TUT7: variants seen among roughly 807,000 people sequenced by gnomAD.
TUT7 encodes terminal uridylyltransferase 7.
Under a neutral mutation model 165.9 loss-of-function variants are expected in TUT7, and 33 were observed. The ratio of observed to expected loss-of-function variants is 0.20; its 90% CI spans 0.15 to 0.27. The LOEUF (loss-of-function observed/expected upper bound fraction) is 0.27, where lower values mean the gene tolerates loss of function less well. TUT7 is among the 10% of genes least tolerant of loss of function. TUT7 has a pLI of 1.00. For missense variants in TUT7, 1,338 were observed against 1,762.3 expected (o/e 0.76, Z 4.31); for synonymous variants, 552 against 608.1 (o/e 0.91, Z 1.36).
intron 14 of TUT7, among the ~76,000 whole-genome samples, chr9:86,321,937 A>C (rs1334800257): frequency 6.6e-6 from 1 of 152,126 alleles, no homozygotes; most frequent in African/African-American, 2.4e-5. Context: ...TTAGTCAGGC[A>C]TAGTGGCATG....
At chr9:86,293,533 C>A (rs2131261252) in intron 26 of TUT7, among the ~76,000 whole-genome samples, 1 of 152,172 alleles carries the variant, frequency 6.6e-6, no homozygotes, top group African/African-American at 2.4e-5. Context: ...GGAATTCAAG[C>A]AGGTGTAAAA....
intron 22 of TUT7, among the ~76,000 whole-genome samples, chr9:86,305,621 C>T (rs1050164818): frequency 4.6e-5 from 7 of 152,140 alleles, no homozygotes; most frequent in African/African-American, 1.4e-4. Flanking sequence ...CTTAATGACA[C>T]TAGTTTTGGA....
rs1827958975 is a variant in TUT7, at chr9:86,310,590, C to T, written c.3378+116G>A. On this transcript the variant is annotated intron_variant, in intron 18 of 26. Coordinates refer to ENST00000375963, the MANE Select transcript of TUT7 (RefSeq NM_024617.4). ...GGTTCACAGCAAGTAAGCATAATAA[C>T]TCTTGAAAGATTCACTAAGATGAAA... 5 of 626,416 alleles carry T rather than the reference C, an allele frequency of 8.0e-6. No homozygotes were observed. The South Asian group carries it at 9.7e-5, about 12-fold the overall frequency. The allele number at this position is 626,416 out of a possible 1,614,324, so 38.8% of individuals were successfully genotyped here.
intron 12 of TUT7, chr9:86,324,513 G>A (rs1829613677): frequency 6.6e-6 from 1 of 152,496 alleles, no homozygotes; most frequent in South Asian, 2.1e-4. Context: ...CAGAAGAGCT[G>A]AGCCACAGAA....
At chr9:86,309,063 CAAAG>C in intron 21 of TUT7, 145 bp downstream of exon 21, 2 of 545,482 alleles carry the variant, frequency 3.7e-6, no homozygotes, top group Non-Finnish European at 6.4e-6. Flanking sequence ...ATTTTCACAT[CAAAG>C]AAAGCATCTG....
intron 12 of TUT7, 145 bp from the exon 13 acceptor site, chr9:86,324,105 C>G (rs527470743): frequency 2.6e-6 from 2 of 757,588 alleles, no homozygotes; most frequent in Non-Finnish European, 3.9e-6. Context: ...TAAAAAAAAA[C>G]TGGGGGTGGG....
Position 86,312,910 on chromosome 9 carries a change from C to T in TUT7, c.3275-2101G>A, listed in dbSNP as rs556759426. Reference sequence around the variant, plus strand: ...GCTTTGTTAAACAGATGCTTGAAGGCAGCATGCTCGTTAAGAGTCATCACC... The same window carrying T: ...GCTTTGTTAAACAGATGCTTGAAGGTAGCATGCTCGTTAAGAGTCATCACC... On this transcript the variant is annotated intron_variant, in intron 17 of 26. Coordinates refer to ENST00000375963, the MANE Select transcript of TUT7 (RefSeq NM_024617.4). Among the ~76,000 whole-genome samples the T allele has an allele frequency of 4.3e-3, 651 of 152,044 alleles. 7 individuals carry two copies. The highest frequency in any genetic ancestry group is 0.015 in the African/African-American group (628 of 41,472).
chr9:86,293,787 A>C (rs1364843530), intron 26 of TUT7, among the ~76,000 whole-genome samples: 3 of 152,168 alleles, frequency 2.0e-5, no homozygotes, highest in Admixed American at 2.0e-4. Context: ...TCCTGAGCCT[A>C]CCTGACAGGG....
intron 26 of TUT7, among the ~76,000 whole-genome samples, chr9:86,291,569 T>C (rs1364060556): frequency 8.4e-6 from 1 of 118,842 alleles, no homozygotes; most frequent in Non-Finnish European, 1.7e-5. Flanking sequence ...CGAAACTCCA[T>C]CTCAAAAAAA....
intron 25 of TUT7, chr9:86,301,926 T>G: frequency 1.1e-6 from 1 of 899,298 alleles, no homozygotes; most frequent in Non-Finnish European, 1.3e-6. Context: ...AGTGATTTCT[T>G]GAACGGCCTT....
intron 17 of TUT7, 60 bp downstream of exon 17, chr9:86,317,159 A>G: frequency 1.4e-6 from 2 of 1,447,412 alleles, no homozygotes; most frequent in Middle Eastern, 1.7e-4. Flanking sequence ...CCAAGGGAAG[A>G]CTATAGAAAA....
intron 25 of TUT7, among the ~76,000 whole-genome samples, chr9:86,302,386 T>C (rs1355635938): frequency 2.0e-5 from 3 of 152,216 alleles, no homozygotes; most frequent in Non-Finnish European, 2.9e-5. Context: ...TATCCCAACG[T>C]GCTGAACAGT....
At chr9:86,312,388 C>T (rs1226161384) in intron 17 of TUT7, among the ~76,000 whole-genome samples, 19 of 151,776 alleles carry the variant, frequency 1.3e-4, no homozygotes, top group Admixed American at 2.0e-4. Flanking sequence ...GCCCAGCAGC[C>T]GCCCCGTCTG....
rs909596276 is a variant in TUT7 at position 86,310,027 on chromosome 9, G to C, written c.3379-10C>G. The stretch of plus-strand genomic sequence containing the variant: ...TTGTGTTATGAAGGGCCTGTTAAAA[G>C]GAAAATAACACTATAAGACTAACAA... On this transcript the variant is annotated splice_polypyrimidine_tract_variant and intron_variant, in intron 18 of 26. Transcript: ENST00000375963. 68 of 1,606,802 alleles carry C rather than the reference G, an allele frequency of 4.2e-5. No individual in the cohort carries two copies. Among genetic ancestry groups the C allele is most frequent in the Non-Finnish European group, 5.6e-5 (66 of 1,174,676 alleles).
chr9:86,323,783 T>G lies in TUT7; in HGVS notation c.1967A>C (p.Glu656Ala), dbSNP rs376742250. Residue 656 changes from glutamate to alanine, a missense_variant, in exon 13 of 27, where the codon GAA (glutamate) becomes GCA (alanine). By Grantham distance (107) the Glu-to-Ala change is moderately radical. Around this residue, in one of 7 missense-constraint regions of TUT7, gnomAD observed 425 missense variants for 474.9 expected, o/e 0.89. Transcript: ENST00000375963. ...TACATCTGGATGATGATTTATTACT[T>G]CTTTAGAATGTTCTGAAATACATGT... ...AITCISEHSK[E>A]VINHHPDVQT... The G allele has an allele frequency of 1.9e-6, 3 of 1,613,808 alleles. No homozygotes were observed. The African/African-American group carries it at 4.0e-5, about 22-fold the overall frequency.
intron 25 of TUT7, among the ~76,000 whole-genome samples, chr9:86,302,551 C>T (rs547430934): frequency 1.7e-4 from 26 of 151,748 alleles, no homozygotes; most frequent in Admixed American, 1.3e-3. Flanking sequence ...CTCCTGGCCT[C>T]AAGTGATCCG....
chr9:86,309,796 A>G (rs972428268), intron 19 of TUT7, 132 bp downstream of exon 19: 5 of 998,018 alleles, frequency 5.0e-6, no homozygotes, highest in East Asian at 5.2e-5. Flanking sequence ...AGCTTTCTTC[A>G]TAGGGTCTCC....
At position 86,289,742 on chromosome 9, in the gene TUT7, CA is replaced by C. The variant is rs147641333; in HGVS notation, c.4421-999del. Among the ~76,000 whole-genome samples the C allele has an allele frequency of 3.2e-3, 481 of 151,748 alleles. 4 individuals are homozygous for C. The East Asian group carries it at 0.032, about 10-fold the overall frequency. The stretch of plus-strand genomic sequence containing the variant: ...ATAAGTATATGAAAAAATTCTATAT[CA>C]GGGGTAATCAATGAAATGCAAATTA... On this transcript the variant is annotated intron_variant, in intron 26 of 26. Transcript: ENST00000375963.
intron 16 of TUT7, 24 bp from the exon 17 acceptor site, chr9:86,317,300 A>C (rs1403538571): frequency 1.9e-6 from 3 of 1,603,994 alleles, no homozygotes; most frequent in Non-Finnish European, 2.6e-6. Flanking sequence ...GGCATAAAGA[A>C]CTTAACCAAA....
Sources: gnomAD v4.1 joint callset for allele counts (sites outside exome capture counted in the v4.1 genomes callset) on GRCh38, gnomAD v4.1.1 for gene constraint, gnomAD v4.1.1 regional missense constraint, MANE v1.5 for transcripts, NCBI Gene and HGNC (gene_info 2026-07-23, HGNC 2026-07-21) for gene names.